SORCS3: variants seen among roughly 807,000 people sequenced by gnomAD.
SORCS3 encodes sortilin related VPS10 domain containing receptor 3, also known as VPS10 domain-containing receptor SorCS3.
A neutral mutation model predicts 146.3 loss-of-function variants in SORCS3; 57 were observed. That is an observed-to-expected ratio of 0.39 (90% CI 0.31 to 0.49). SORCS3 has a LOEUF of 0.49. Among genes scored for constraint, SORCS3 ranks in the 20% least tolerant of loss-of-function variants. The pLI, the probability that SORCS3 is intolerant of heterozygous loss-of-function variation, is 0.92. For missense variants in SORCS3, 1,341 were observed against 1,575.5 expected (o/e 0.85, Z 2.52); for synonymous variants, 653 against 618.5 (o/e 1.06, Z -0.83).
intron 1 of SORCS3, among the ~76,000 whole-genome samples, chr10:104,817,761 G>T (rs2133525085): frequency 1.4e-5 from 2 of 143,212 alleles, no homozygotes; most frequent in East Asian, 4.1e-4. Context: ...TGAGTAAGGG[G>T]GTGGGCAGAT....
intron 20 of SORCS3, 132 bp from the exon 21 acceptor site, chr10:105,245,410 A>C: frequency 9.4e-7 from 1 of 1,058,616 alleles, no homozygotes; most frequent in African/African-American, 1.6e-5. Flanking sequence ...CAGTTTTAAG[A>C]AACGGTATAA....
Position 105,201,135 on chromosome 10 carries a change from A to T in SORCS3, c.2143A>T (p.Met715Leu), listed in dbSNP as rs2056572084. The change falls in exon 16 of 27, where the codon ATG becomes TTG. Residue 715 changes from methionine to leucine, a missense_variant. By Grantham distance (15) the Met-to-Leu change is conservative. Transcript: ENST00000369701. ...TCTCTCTAAGGGAGAGCCTTGTGTCATGGGAGAAAGGAAAATATTCAAGAA... is the reference window on the plus strand; with the variant it reads ...TCTCTCTAAGGGAGAGCCTTGTGTCTTGGGAGAAAGGAAAATATTCAAGAA... ...HLLNQGEPCVMGERKIFKKRK... is the reference protein window; with the variant it reads ...HLLNQGEPCVLGERKIFKKRK... 6.2e-7 allele frequency: 1 copy of T among 1,612,656 alleles called. No individual in the cohort carries two copies.
chr10:104,733,321 G>T (rs1212163005), intron 1 of SORCS3, among the ~76,000 whole-genome samples: 1 of 151,938 alleles, frequency 6.6e-6, no homozygotes, highest in Non-Finnish European at 1.5e-5. Context: ...TTCTTCATTT[G>T]TGCATTCACT....
intron 3 of SORCS3, among the ~76,000 whole-genome samples, chr10:104,968,528 C>A (rs933302326): frequency 6.6e-6 from 1 of 152,102 alleles, no homozygotes; most frequent in Non-Finnish European, 1.5e-5. Flanking sequence ...TTGAAAAACC[C>A]CTCTTCCCCT....
chr10:104,968,272 C>T (rs2054837939), intron 3 of SORCS3, among the ~76,000 whole-genome samples: 1 of 152,184 alleles, frequency 6.6e-6, no homozygotes, highest in South Asian at 2.1e-4. Context: ...CATGCCACCA[C>T]ACCCGGCTAA....
At chr10:105,148,991 C>G (rs1423561497) in intron 9 of SORCS3, among the ~76,000 whole-genome samples, 1 of 152,080 alleles carries the variant, frequency 6.6e-6, no homozygotes, top group African/African-American at 2.4e-5. Flanking sequence ...CTCACAAGAG[C>G]TGATGGTTTT....
chr10:105,242,932 A>T (rs2056844272), intron 20 of SORCS3, among the ~76,000 whole-genome samples: 1 of 1,638 alleles, frequency 6.1e-4, no homozygotes, highest in African/African-American at 6.4e-4. Context: ...ATGATATATA[A>T]ATTATATATA....
chr10:105,030,984 A>G (rs1335186745), intron 4 of SORCS3, among the ~76,000 whole-genome samples: 1 of 151,814 alleles, frequency 6.6e-6, no homozygotes, highest in Non-Finnish European at 1.5e-5. Context: ...TTTCCACAAC[A>G]TTCAAGTACC....
intron 2 of SORCS3, among the ~76,000 whole-genome samples, chr10:104,899,237 A>G (rs781680141): frequency 1.3e-5 from 2 of 152,222 alleles, no homozygotes; most frequent in Non-Finnish European, 2.9e-5. Flanking sequence ...CTTAGTATAT[A>G]GTTTTTAAAC....
chr10:105,089,034 G>A (rs1037761749), intron 5 of SORCS3, among the ~76,000 whole-genome samples: 3 of 152,272 alleles, frequency 2.0e-5, no homozygotes, highest in Admixed American at 2.0e-4. Context: ...CCTTACTCTG[G>A]CCTAGGTCTC....
At chr10:105,113,216 C>A (rs1205651304) in intron 7 of SORCS3, among the ~76,000 whole-genome samples, 1 of 152,144 alleles carries the variant, frequency 6.6e-6, no homozygotes, top group Non-Finnish European at 1.5e-5. Flanking sequence ...AAAGGTGAGG[C>A]TTTTCCATGT....
At chr10:105,115,325 C>A (rs74157438) in intron 7 of SORCS3, among the ~76,000 whole-genome samples, 1 of 152,092 alleles carries the variant, frequency 6.6e-6, no homozygotes, top group Non-Finnish European at 1.5e-5. Context: ...ATGCTTTGAA[C>A]GCTACAAAGC....
intron 2 of SORCS3, among the ~76,000 whole-genome samples, chr10:104,873,783 C>G (rs2018542628): frequency 6.6e-6 from 1 of 152,162 alleles, no homozygotes; most frequent in South Asian, 2.1e-4. Flanking sequence ...TTTGTACAAG[C>G]TAACAGATTG....
chr10:104,812,416 G>T (rs938704045), intron 1 of SORCS3, among the ~76,000 whole-genome samples: 2 of 152,180 alleles, frequency 1.3e-5, no homozygotes, highest in Admixed American at 1.3e-4. Context: ...CTGAGACCTA[G>T]CTTTTGTTGT....
intron 1 of SORCS3, among the ~76,000 whole-genome samples, chr10:104,735,862 T>C (rs2016765404): frequency 6.6e-6 from 1 of 152,160 alleles, no homozygotes; most frequent in African/African-American, 2.4e-5. Flanking sequence ...TTTCAAAATA[T>C]AACCTCTTTC....
intron 3 of SORCS3, among the ~76,000 whole-genome samples, chr10:104,973,301 T>C (rs1340973418): frequency 1.3e-5 from 2 of 151,158 alleles, no homozygotes; most frequent in Non-Finnish European, 3.0e-5. Flanking sequence ...TCTGGTAGAA[T>C]TCGGCTGTGA....
At chr10:104,999,725 C>T (rs1442931044) in intron 4 of SORCS3, among the ~76,000 whole-genome samples, 2 of 152,130 alleles carry the variant, frequency 1.3e-5, no homozygotes, top group East Asian at 1.9e-4. Flanking sequence ...CATTCAGACA[C>T]ATACAAAGAG....
intron 19 of SORCS3, among the ~76,000 whole-genome samples, chr10:105,220,527 G>A (rs542789517): frequency 3.3e-5 from 5 of 152,316 alleles, no homozygotes; most frequent in Non-Finnish European, 7.3e-5. Context: ...AGATCCCAGG[G>A]TTCCCATGAG....
intron 4 of SORCS3, among the ~76,000 whole-genome samples, chr10:105,021,242 T>A (rs2055195970): frequency 6.6e-6 from 1 of 152,174 alleles, no homozygotes; most frequent in African/African-American, 2.4e-5. Context: ...GAGAGGGTCT[T>A]CTTGTGGTGT....
Sources: allele counts gnomAD v4.1 joint callset (sites outside exome capture counted in the v4.1 genomes callset), GRCh38; gene constraint gnomAD v4.1.1; transcripts MANE v1.5; gene names NCBI Gene and HGNC (gene_info 2026-07-23, HGNC 2026-07-21).